PARP4: variants seen among roughly 807,000 people sequenced by gnomAD.
PARP4 encodes poly(ADP-ribose) polymerase family member 4, also known as protein mono-ADP-ribosyltransferase PARP4.
Under a neutral mutation model 187.7 loss-of-function variants are expected in PARP4, and 120 were observed. The ratio of observed to expected loss-of-function variants is 0.64; its 90% CI spans 0.55 to 0.74. The LOEUF is 0.74. Among genes scored for constraint, PARP4 ranks in the 30% least tolerant of loss-of-function variants. The probability of loss-of-function intolerance (pLI) is 0.00; values close to 1 mark genes in which losing one functional copy is unlikely to be tolerated. For synonymous variants in PARP4, 654 were observed against 740.9 expected (o/e 0.88, Z 1.90); for missense variants, 1,836 against 2,070.5 (o/e 0.89, Z 2.20).
intron 22 of PARP4, among the ~76,000 whole-genome samples, chr13:24,454,165 G>C (rs1308223481): frequency 6.6e-6 from 1 of 152,160 alleles, no homozygotes; most frequent in African/African-American, 2.4e-5. Context: ...TCAAACCGTG[G>C]TGCTTTACTA....
intron 15 of PARP4, 39 bp from the exon 16 acceptor site, chr13:24,470,064 CA>C (rs894773816): frequency 6.4e-7 from 1 of 1,564,496 alleles, no homozygotes; most frequent in African/African-American, 1.4e-5. Flanking sequence ...GATGAGACCA[CA>C]TGGACTACAT....
At chr13:24,495,151 G>A (rs9581074) in intron 6 of PARP4, among the ~76,000 whole-genome samples, 16,663 of 152,120 alleles carry the variant, frequency 0.11, 988 homozygotes, top group African/African-American at 0.12. Flanking sequence ...GATTACAGGC[G>A]TAAGCCACCA....
At chr13:24,492,918 T>C (rs1868741026) in intron 8 of PARP4, among the ~76,000 whole-genome samples, 1 of 152,184 alleles carries the variant, frequency 6.6e-6, no homozygotes, top group African/African-American at 2.4e-5. Flanking sequence ...GCTTTTCACA[T>C]GAGAAATTTA....
chr13:24,422,858 C>G (rs1869819943), intron 33 of PARP4, among the ~76,000 whole-genome samples: 1 of 152,120 alleles, frequency 6.6e-6, no homozygotes, highest in African/African-American at 2.4e-5. Flanking sequence ...CTGTCCGCCT[C>G]AACCTCCCAA....
chr13:24,458,253 G>A (rs950342366), intron 20 of PARP4, among the ~76,000 whole-genome samples: 6 of 152,002 alleles, frequency 3.9e-5, no homozygotes, highest in South Asian at 4.2e-4. Flanking sequence ...GGGACCACAG[G>A]TGCCCACCAC....
At chr13:24,472,726 C>T (rs933214621) in intron 15 of PARP4, among the ~76,000 whole-genome samples, 10 of 152,132 alleles carry the variant, frequency 6.6e-5, no homozygotes, top group African/African-American at 9.7e-5. Context: ...GAACCTGCTG[C>T]GAGCTCCTGG....
chr13:24,454,200 T>G (rs1871696106), intron 22 of PARP4, among the ~76,000 whole-genome samples: 1 of 152,320 alleles, frequency 6.6e-6, no homozygotes, highest in South Asian at 2.1e-4. Flanking sequence ...TCAAATTCCA[T>G]GTGCACATGC....
intron 31 of PARP4, among the ~76,000 whole-genome samples, chr13:24,431,705 G>T (rs1870346047): frequency 6.6e-6 from 1 of 152,150 alleles, no homozygotes; most frequent in Non-Finnish European, 1.5e-5. Flanking sequence ...AATGAAAAAA[G>T]AAGTTATGTG....
intron 1 of PARP4, among the ~76,000 whole-genome samples, chr13:24,507,618 C>T (rs1407554139): frequency 6.6e-6 from 1 of 152,272 alleles, no homozygotes; most frequent in Non-Finnish European, 1.5e-5. Flanking sequence ...TGCTGCCACC[C>T]TGGCCCATGC....
At chr13:24,508,866 T>C (rs1211557792) in intron 1 of PARP4, among the ~76,000 whole-genome samples, 2 of 152,210 alleles carry the variant, frequency 1.3e-5, no homozygotes, top group South Asian at 2.1e-4. Context: ...CCCGCTGTTA[T>C]CAGTCAGCAT....
chr13:24,504,998 C>T (rs1035989428), intron 1 of PARP4, among the ~76,000 whole-genome samples: 2 of 143,300 alleles, frequency 1.4e-5, no homozygotes, highest in Admixed American at 7.2e-5. Flanking sequence ...CCTGGCACAC[C>T]CCCGCTTTTT....
chr13:24,426,570 G>T lies in PARP4; in HGVS notation c.4875C>A (p.Asp1625Glu), dbSNP rs113208590. ...LGVKGRECLL[D>E]LIATMLVLQF... ...GTAGTACCAGCATTGTGGCAATTAG[G>T]TCCAGGAGACATTCTCTTCCTTTTA... is the stretch of plus-strand genomic sequence containing the variant. Residue 1625 changes from aspartate (D) to glutamate (E), a missense_variant, in exon 33 of 34, where the codon GAC (aspartate) becomes GAA (glutamate). Transcript: ENST00000381989. The T allele has an allele frequency of 5.4e-4, 864 of 1,612,500 alleles. 8 individuals carry two copies. The African/African-American group carries it at 9.6e-3, about 18-fold the overall frequency.
At chr13:24,489,685 G>A (rs1183178798) in intron 10 of PARP4, among the ~76,000 whole-genome samples, 1 of 152,204 alleles carries the variant, frequency 6.6e-6, no homozygotes, top group South Asian at 2.1e-4. Context: ...TTTGGGAATG[G>A]ATTTTGAGAA....
At chr13:24,452,760 T>C (rs1423045287) in intron 23 of PARP4, among the ~76,000 whole-genome samples, 167 bp from the exon 24 acceptor site, 2 of 152,236 alleles carry the variant, frequency 1.3e-5, no homozygotes, top group East Asian at 1.9e-4. Context: ...GTTTATTTCA[T>C]GTCACACAGT....
At position 24,478,118 on chromosome 13, in the gene PARP4, G is replaced by A. The variant is rs1873078951; in HGVS notation, c.1607C>T (p.Thr536Ile). ...GYDSVHGVSQ[T>I]ASVTTDFEDD... ...CTCAAAGTCTGTGGTGACAGAGGCT[G>A]TTTGCGAAACTCCATGCACACTGTC... The change falls in exon 13 of 34, where the codon ACA (threonine) becomes ATA (isoleucine). Residue 536 changes from threonine to isoleucine, a missense_variant. By Grantham distance (89) the Thr-to-Ile change is moderately conservative. Transcript: ENST00000381989. 2 of 1,605,936 alleles carry A rather than the reference G, an allele frequency of 1.2e-6. No homozygotes were observed. Among genetic ancestry groups the A allele is most frequent in the Non-Finnish European group, 1.7e-6 (2 of 1,176,074 alleles).
At chr13:24,452,091 G>C (rs1871550090) in intron 24 of PARP4, 1 of 240,808 alleles carries the variant, frequency 4.2e-6, no homozygotes, top group Non-Finnish European at 7.9e-6. Flanking sequence ...TTTTGGTTCA[G>C]TTCTGTTCTG....
chr13:24,503,857 T>C (rs1376973243), intron 1 of PARP4, 80 bp from the exon 2 acceptor site: 1 of 1,197,418 alleles, frequency 8.4e-7, no homozygotes, highest in Non-Finnish European at 1.2e-6. Flanking sequence ...AAGCAAACTG[T>C]GGGAAAATTG....
rs367837099 is a variant in PARP4 at position 24,468,971 on chromosome 13, TCTAA to T, written c.2133+49_2133+52del. ...ATGAAATTCGTATTTCATATCTTGTTCTAACTCTCTTTCCCTCTCCTGTATGCAT... is the reference window on the plus strand; with the variant it reads ...ATGAAATTCGTATTTCATATCTTGTTCTCTCTTTCCCTCTCCTGTATGCAT... On this transcript the variant is annotated intron_variant, in intron 17 of 33. Coordinates refer to ENST00000381989, the MANE Select transcript of PARP4 (RefSeq NM_006437.4). 5.7e-4 allele frequency: 679 copies of T among 1,201,402 alleles called. 5 individuals are homozygous for T. In the African/African-American group the frequency reaches 8.8e-3, roughly 16 times the overall value. The allele number at this position is 1,201,402 out of a possible 1,614,324, so 74.4% of individuals were successfully genotyped here. A position where few individuals can be genotyped will look rare whatever the true frequency, so the allele number is the denominator to read the frequency against.
intron 17 of PARP4, among the ~76,000 whole-genome samples, chr13:24,467,267 C>T (rs1481219425): frequency 6.6e-6 from 1 of 152,208 alleles, no homozygotes; most frequent in Non-Finnish European, 1.5e-5. Context: ...CTATCCTTTT[C>T]TGTTACTTCC....
Sources: allele counts gnomAD v4.1 joint callset (sites outside exome capture counted in the v4.1 genomes callset), GRCh38; gene constraint gnomAD v4.1.1; transcripts MANE v1.5; gene names NCBI Gene and HGNC (gene_info 2026-07-23, HGNC 2026-07-21).